PDS5B: variants seen among roughly 807,000 people sequenced by gnomAD.
PDS5B encodes sister chromatid cohesion protein PDS5 homolog B.
In PDS5B, 51 loss-of-function variants were observed where a neutral mutation model predicts 184.1. The observed-to-expected ratio is 0.28, with a 90% confidence interval of 0.22 to 0.35. The LOEUF is 0.35. PDS5B is among the 10% of genes least tolerant of loss of function. The pLI, the probability that PDS5B is intolerant of heterozygous loss-of-function variation, is 1.00. For synonymous variants in PDS5B, 566 were observed against 569.2 expected (o/e 0.99, Z 0.08); for missense variants, 1,180 against 1,723.3 (o/e 0.68, Z 5.58).
At chr13:32,717,412 A>G (rs1952493219) in intron 19 of PDS5B, among the ~76,000 whole-genome samples, 1 of 148,012 alleles carries the variant, frequency 6.8e-6, no homozygotes, top group Non-Finnish European at 1.5e-5. Flanking sequence ...TGCTCTCTGA[A>G]ACATGTGCTG....
chr13:32,591,315 G>A (rs1209746697), intron 1 of PDS5B, among the ~76,000 whole-genome samples: 1 of 151,868 alleles, frequency 6.6e-6, no homozygotes, highest in Admixed American at 6.6e-5. Flanking sequence ...TTTTAGTAGA[G>A]ACTGTGTTGG....
chr13:32,597,966 A>T lies in PDS5B; in HGVS notation c.-20+11373A>T, dbSNP rs537601812. On this transcript the variant is annotated intron_variant, in intron 1 of 34. Coordinates refer to ENST00000315596, the MANE Select transcript of PDS5B (RefSeq NM_015032.4). ...TGTGATCTTAAGGGGGAAGGCATTT[A>T]GTCTTTCCCCAGTAAGTAGTATGTC... 2.6e-5 allele frequency among the ~76,000 whole-genome samples: 4 copies of T among 152,036 alleles called. No individual in the cohort carries two copies. The South Asian group carries it at 8.3e-4, about 31-fold the overall frequency.
intron 9 of PDS5B, 119 bp from the exon 10 acceptor site, chr13:32,678,716 T>G (rs1438695533): frequency 3.2e-6 from 2 of 633,772 alleles, no homozygotes; most frequent in East Asian, 2.8e-5. Flanking sequence ...GGTTCTACTT[T>G]GCATTTTCCT....
Position 32,776,577 on chromosome 13 carries a change from T to G in PDS5B, c.*1525T>G, listed in dbSNP as rs367553359. 3.1e-4 allele frequency: 47 copies of G among 152,228 alleles called. 2 individuals are homozygous for G. The East Asian group carries it at 4.6e-3, about 15-fold the overall frequency. 9.4% of individuals were successfully genotyped at this position (152,228 alleles called of 1,614,324 possible). On this transcript the variant is annotated 3_prime_UTR_variant, in exon 35 of 35. Coordinates refer to ENST00000315596, the MANE Select transcript of PDS5B (RefSeq NM_015032.4). The stretch of plus-strand genomic sequence containing the variant: ...TTTAGTATTTTAGGTGCTGTTATGT[T>G]TTTTCATGGTTAACACCAGAGGGGA...
intron 6 of PDS5B, among the ~76,000 whole-genome samples, chr13:32,667,283 C>T (rs1307795005): frequency 6.6e-6 from 1 of 152,136 alleles, no homozygotes; most frequent in Non-Finnish European, 1.5e-5. Context: ...CTTTGACTTA[C>T]CTGTGCTCTG....
At chr13:32,741,699 CTGTGTG>C (rs3050179) in intron 22 of PDS5B, among the ~76,000 whole-genome samples, 5,806 of 139,196 alleles carry the variant, frequency 0.042, 145 homozygotes, top group African/African-American at 0.077. Context: ...CCCTTTCAGT[CTGTGTG>C]TGTGTGTGTG....
intron 24 of PDS5B, among the ~76,000 whole-genome samples, chr13:32,750,320 T>C (rs1158480100): frequency 6.6e-6 from 1 of 152,218 alleles, no homozygotes; most frequent in Non-Finnish European, 1.5e-5. Context: ...TTTTAATGAA[T>C]GGCCTGTTCA....
At chr13:32,714,286 C>G (rs767837703) in intron 19 of PDS5B, among the ~76,000 whole-genome samples, 6 of 152,054 alleles carry the variant, frequency 3.9e-5, no homozygotes, top group East Asian at 1.9e-4. Flanking sequence ...TGAGATCAAC[C>G]GGTCTGACCA....
intron 2 of PDS5B, 121 bp from the exon 3 acceptor site, chr13:32,651,682 TC>T: frequency 3.3e-6 from 2 of 602,366 alleles, no homozygotes; most frequent in Non-Finnish European, 2.9e-6. Context: ...ATAGAGACTT[TC>T]TGCAGAAAAA....
intron 3 of PDS5B, among the ~76,000 whole-genome samples, chr13:32,654,914 T>C (rs534675716): frequency 3.7e-4 from 57 of 152,228 alleles, no homozygotes; most frequent in Non-Finnish European, 7.1e-4. Flanking sequence ...ATATTTTCTT[T>C]ATCCATTTTA....
intron 3 of PDS5B, 196 bp downstream of exon 3, chr13:32,652,203 G>T (rs1489073625): frequency 3.8e-6 from 2 of 531,490 alleles, no homozygotes; most frequent in Non-Finnish European, 6.7e-6. Context: ...AGGTTAAGAA[G>T]TAGATTAATA....
chr13:32,675,399 T>C (rs1486848264), intron 8 of PDS5B, among the ~76,000 whole-genome samples: 1 of 151,986 alleles, frequency 6.6e-6, no homozygotes. Context: ...TGGGAGACTG[T>C]AGCACATACT....
intron 20 of PDS5B, among the ~76,000 whole-genome samples, chr13:32,734,339 A>G (rs1431939117): frequency 6.6e-6 from 1 of 152,138 alleles, no homozygotes; most frequent in East Asian, 1.9e-4. Context: ...CGGCCTTAAC[A>G]ATATATTTCT....
Position 32,586,476 on chromosome 13 carries a change from G to A in PDS5B, c.-137G>A, listed in dbSNP as rs2057674643. On this transcript the variant is annotated 5_prime_UTR_variant, in exon 1 of 35. Transcript: ENST00000315596. Reference sequence around the variant, plus strand: ...CGCCATTTTGAAGCGGAGAGGAGGAGGAACGGCAGGGCTGGCTGCGGAAGG... The same window carrying A: ...CGCCATTTTGAAGCGGAGAGGAGGAAGAACGGCAGGGCTGGCTGCGGAAGG... 6.7e-6 allele frequency: 1 copy of A among 150,148 alleles called. No homozygotes were observed. Among genetic ancestry groups the A allele is most frequent in the South Asian group, 2.1e-4 (1 of 4,792 alleles). 9.3% of individuals were successfully genotyped at this position (150,148 alleles called of 1,614,324 possible).
At chr13:32,761,348 T>G (rs762394823) in intron 30 of PDS5B, among the ~76,000 whole-genome samples, 1 of 152,232 alleles carries the variant, frequency 6.6e-6, no homozygotes, top group African/African-American at 2.4e-5. Flanking sequence ...TTTTTTGTTT[T>G]TTTTAAATTC....
chr13:32,727,828 G>GA (rs1390412913), intron 19 of PDS5B, among the ~76,000 whole-genome samples: 1 of 150,812 alleles, frequency 6.6e-6, no homozygotes, highest in East Asian at 1.9e-4. Context: ...ATCAGATTTG[G>GA]AAAAAAATTG....
chr13:32,775,399 A>T lies in PDS5B; in HGVS notation c.*347A>T, dbSNP rs532188956. On this transcript the variant is annotated 3_prime_UTR_variant, in exon 35 of 35. Coordinates refer to ENST00000315596, the MANE Select transcript of PDS5B (RefSeq NM_015032.4). ...TTAAACTGACAGTACCCGACTGTTTATTGGATCTATTGATTTGAAAAGAAT... is the reference window on the plus strand; with the variant it reads ...TTAAACTGACAGTACCCGACTGTTTTTTGGATCTATTGATTTGAAAAGAAT... 1 of 323,114 alleles carries T rather than the reference A, an allele frequency of 3.1e-6. No individual in the cohort carries two copies. Among genetic ancestry groups the T allele is most frequent in the South Asian group, 3.0e-5 (1 of 33,016 alleles). 20.0% of individuals were successfully genotyped at this position (323,114 alleles called of 1,614,324 possible).
intron 1 of PDS5B, among the ~76,000 whole-genome samples, chr13:32,633,490 G>A (rs1408823835): frequency 6.6e-6 from 1 of 152,148 alleles, no homozygotes; most frequent in Non-Finnish European, 1.5e-5. Flanking sequence ...TTTTAGCCAG[G>A]AAGCATATAA....
chr13:32,739,979 A>G (rs978845899), intron 21 of PDS5B, among the ~76,000 whole-genome samples: 2 of 151,988 alleles, frequency 1.3e-5, no homozygotes, highest in African/African-American at 4.8e-5. Flanking sequence ...TTATTTATGT[A>G]AGGTTTTTGT....
Sources: gnomAD v4.1 joint callset for allele counts (sites outside exome capture counted in the v4.1 genomes callset) on GRCh38, gnomAD v4.1.1 for gene constraint, MANE v1.5 for transcripts, NCBI Gene and HGNC (gene_info 2026-07-23, HGNC 2026-07-21) for gene names.